Variants in CHST9 observed in about 807,000 individuals in gnomAD.
CHST9 encodes carbohydrate sulfotransferase 9.
A neutral mutation model predicts 44.4 loss-of-function variants in CHST9; 41 were observed. The ratio of observed to expected loss-of-function variants is 0.92; its 90% CI spans 0.72 to 1.20. CHST9 has a LOEUF of 1.20. Ranked by LOEUF, CHST9 falls within the 50% of genes most tolerant of loss-of-function variation. The pLI is 0.00. For synonymous variants in CHST9, 171 were observed against 178.4 expected (o/e 0.96, Z 0.33); for missense variants, 504 against 516.5 (o/e 0.98, Z 0.23).
intron 5 of CHST9, among the ~76,000 whole-genome samples, chr18:26,921,264 TG>T (rs1161960921): frequency 6.6e-6 from 1 of 152,200 alleles, no homozygotes; most frequent in African/African-American, 2.4e-5. Flanking sequence ...TTCTCGTTGC[TG>T]GAAGTCTTGG....
At chr18:26,950,586 C>CT (rs1280496447) in intron 4 of CHST9, among the ~76,000 whole-genome samples, 2 of 152,134 alleles carry the variant, frequency 1.3e-5, no homozygotes, top group Non-Finnish European at 2.9e-5. Context: ...TTGGATGGAG[C>CT]TAGAGGCCAT....
At chr18:26,942,327 A>T (rs2056095955) in intron 5 of CHST9, among the ~76,000 whole-genome samples, 1 of 152,190 alleles carries the variant, frequency 6.6e-6, no homozygotes, top group South Asian at 2.1e-4. Flanking sequence ...TAGGATTAGA[A>T]ATATAAGCAA....
Position 26,999,249 on chromosome 18 carries a change from G to A in CHST9, c.202+24867C>T, listed in dbSNP as rs188766909. Reference sequence around the variant, plus strand: ...TCGATTTATGGTTCAGAGCCATGGAGCAGGTAATAAATATGACTGTGACAA... The same window carrying A: ...TCGATTTATGGTTCAGAGCCATGGAACAGGTAATAAATATGACTGTGACAA... On this transcript the variant is annotated intron_variant, in intron 4 of 5. Coordinates refer to ENST00000618847, the MANE Select transcript of CHST9 (RefSeq NM_031422.6). Among the ~76,000 whole-genome samples, 90 of 152,230 alleles carry A rather than the reference G, an allele frequency of 5.9e-4. 1 individual carries two copies. Among genetic ancestry groups the A allele is most frequent in the Non-Finnish European group, 7.4e-5 (5 of 68,022 alleles).
chr18:27,089,342 T>A (rs1436739452), intron 2 of CHST9, among the ~76,000 whole-genome samples: 2 of 142,636 alleles, frequency 1.4e-5, no homozygotes, highest in African/African-American at 5.2e-5. Context: ...TGTGTCCAAG[T>A]GTTCTCATTG....
chr18:27,132,894 T>C (rs935033820), intron 2 of CHST9, among the ~76,000 whole-genome samples: 6 of 152,212 alleles, frequency 3.9e-5, no homozygotes, highest in Admixed American at 1.3e-4. Flanking sequence ...TTCTTCTTTC[T>C]CTTGCTCTAA....
chr18:27,025,758 C>T (rs1407063290), intron 3 of CHST9, among the ~76,000 whole-genome samples: 1 of 152,142 alleles, frequency 6.6e-6, no homozygotes, highest in Non-Finnish European at 1.5e-5. Context: ...ATTGTAATTG[C>T]AACTCTATAT....
intron 4 of CHST9, among the ~76,000 whole-genome samples, chr18:27,010,628 A>G (rs2057072217): frequency 6.6e-6 from 1 of 152,212 alleles, no homozygotes. Context: ...ACATGAAGAT[A>G]ATAATGTCAT....
chr18:27,153,570 G>A (rs200048935), intron 1 of CHST9, among the ~76,000 whole-genome samples: 137 of 77,374 alleles, frequency 1.8e-3, no homozygotes, highest in East Asian at 0.01. Context: ...GTGTGTGTAT[G>A]TGTGTGTGTG....
At chr18:27,177,579 T>G (rs2195032) in intron 1 of CHST9, among the ~76,000 whole-genome samples, 55,705 of 151,842 alleles carry the variant, frequency 0.37, 10,942 homozygotes, top group Non-Finnish European at 0.45. Context: ...CTTATTTGGT[T>G]TTCCCATTTT....
chr18:26,983,812 GT>G (rs1263433731), intron 4 of CHST9, among the ~76,000 whole-genome samples: 5 of 152,144 alleles, frequency 3.3e-5, no homozygotes, highest in African/African-American at 9.7e-5. Flanking sequence ...AAATCACTAA[GT>G]TTTATATATA....
At chr18:26,978,692 T>A (rs1201908711) in intron 4 of CHST9, among the ~76,000 whole-genome samples, 1 of 152,208 alleles carries the variant, frequency 6.6e-6, no homozygotes, top group East Asian at 1.9e-4. Flanking sequence ...TTCATCTAAG[T>A]CTTAGTTTCT....
rs527463714 is a variant in CHST9, at chr18:26,994,111, A to G, written c.202+30005T>C. On this transcript the variant is annotated intron_variant, in intron 4 of 5. Coordinates refer to ENST00000618847, the MANE Select transcript of CHST9 (RefSeq NM_031422.6). ...CCCACTCTAAAGGCCTCATTTTAAC[A>G]TAATTATCTCTTTATAGGCCTTATC... Among the ~76,000 whole-genome samples the G allele has an allele frequency of 2.0e-5, 3 of 152,350 alleles. No homozygotes were observed. The East Asian group carries it at 5.8e-4, about 29-fold the overall frequency.
intron 4 of CHST9, among the ~76,000 whole-genome samples, chr18:26,964,289 C>T (rs16943081): frequency 0.021 from 3,255 of 152,248 alleles, 127 homozygotes; most frequent in African/African-American, 0.074. Flanking sequence ...TTTCAGTTGA[C>T]GACCTTAACA....
At chr18:27,112,961 C>A (rs11083193) in intron 2 of CHST9, among the ~76,000 whole-genome samples, 9 of 151,890 alleles carry the variant, frequency 5.9e-5, no homozygotes, top group East Asian at 1.9e-4. Flanking sequence ...AGGCCGAGGC[C>A]GGTGGATCAT....
intron 4 of CHST9, among the ~76,000 whole-genome samples, chr18:27,014,948 G>C (rs2143422454): frequency 6.6e-6 from 1 of 151,796 alleles, no homozygotes; most frequent in East Asian, 1.9e-4. Flanking sequence ...TCCTTAGTGG[G>C]GGTCACCAAG....
chr18:27,010,989 C>T (rs2057076974), intron 4 of CHST9, among the ~76,000 whole-genome samples: 1 of 152,108 alleles, frequency 6.6e-6, no homozygotes, highest in Non-Finnish European at 1.5e-5. Context: ...GGCCAGGGCT[C>T]TTGGGGTGGG....
At chr18:27,123,777 C>A (rs953584349) in intron 2 of CHST9, among the ~76,000 whole-genome samples, 15 of 152,146 alleles carry the variant, frequency 9.9e-5, no homozygotes, top group African/African-American at 3.6e-4. Flanking sequence ...GAGAGACTGG[C>A]AACAAGGCTA....
rs1255087270 is a variant in CHST9 at position 27,179,102 on chromosome 18, C to CTA, written c.-97+6033_-97+6034insTA. Among the ~76,000 whole-genome samples the CTA allele has an allele frequency of 3.1e-3, 369 of 120,208 alleles. 1 individual carries two copies. Among genetic ancestry groups the CTA allele is most frequent in the African/African-American group, 6.7e-3 (227 of 33,982 alleles). The allele number at this position is 120,208 out of a possible 152,430, so 78.9% of individuals were successfully genotyped here. The stretch of plus-strand genomic sequence containing the variant: ...TGTCTCTCTCTCTCTCTCTCTCTCT[C>CTA]TCTATATATATATATATGAAAACTT... On this transcript the variant is annotated intron_variant, in intron 1 of 5. Coordinates refer to ENST00000618847, the MANE Select transcript of CHST9 (RefSeq NM_031422.6).
intron 1 of CHST9, among the ~76,000 whole-genome samples, chr18:27,151,792 A>T (rs2058661709): frequency 6.6e-6 from 1 of 152,176 alleles, no homozygotes; most frequent in South Asian, 2.1e-4. Flanking sequence ...AGAGCTACAG[A>T]AGGGACCGCA....
Sources: gnomAD v4.1 joint callset for allele counts (sites outside exome capture counted in the v4.1 genomes callset) on GRCh38, gnomAD v4.1.1 for gene constraint, MANE v1.5 for transcripts, NCBI Gene and HGNC (gene_info 2026-07-23, HGNC 2026-07-21) for gene names.